GABPB1: variants seen among roughly 807,000 people sequenced by gnomAD.
GABPB1 encodes GA binding protein transcription factor subunit beta 1.
A neutral mutation model predicts 45.9 loss-of-function variants in GABPB1; 15 were observed. That is an observed-to-expected ratio of 0.33 (90% CI 0.22 to 0.50). The LOEUF (loss-of-function observed/expected upper bound fraction) is 0.50. Ranked by LOEUF, GABPB1 falls within the 20% of genes least tolerant of loss-of-function variation. The pLI is 0.98. For missense variants in GABPB1, 252 were observed against 457.5 expected (o/e 0.55, Z 4.10); for synonymous variants, 143 against 154.4 (o/e 0.93, Z 0.55).
intron 8 of GABPB1, chr15:50,282,327 G>A (rs1383507153): frequency 6.6e-6 from 3 of 454,832 alleles, no homozygotes; most frequent in Admixed American, 2.4e-5. Context: ...AGGAGGCTGA[G>A]GTGGGAGGAT....
chr15:50,330,764 C>A (rs2047922183), intron 1 of GABPB1, among the ~76,000 whole-genome samples: 1 of 152,196 alleles, frequency 6.6e-6, no homozygotes, highest in South Asian at 2.1e-4. Context: ...ATAGCATAAT[C>A]TCTATGTTTC....
chr15:50,339,347 T>C (rs2048263671), intron 1 of GABPB1, among the ~76,000 whole-genome samples: 1 of 151,164 alleles, frequency 6.6e-6, no homozygotes, highest in African/African-American at 2.4e-5. Context: ...AAATAACCAG[T>C]AATTAACCAG....
At chr15:50,335,496 G>A (rs2048086647) in intron 1 of GABPB1, among the ~76,000 whole-genome samples, 1 of 152,116 alleles carries the variant, frequency 6.6e-6, no homozygotes, top group African/African-American at 2.4e-5. Context: ...CCTGCTTTAG[G>A]CTTTCTTCCA....
intron 1 of GABPB1, among the ~76,000 whole-genome samples, chr15:50,330,747 G>T (rs1449181883): frequency 6.6e-6 from 1 of 152,110 alleles, no homozygotes; most frequent in African/African-American, 2.4e-5. Flanking sequence ...AATTTCCTCA[G>T]CAATATATAG....
At chr15:50,284,476 C>T (rs1457347191) in intron 8 of GABPB1, among the ~76,000 whole-genome samples, 1 of 152,186 alleles carries the variant, frequency 6.6e-6, no homozygotes, top group Non-Finnish European at 1.5e-5. Context: ...AGCTCCATCT[C>T]CTTGGCCCTA....
chr15:50,289,448 AAC>A (rs2046274169), intron 7 of GABPB1, 33 bp downstream of exon 7: 2 of 1,413,894 alleles, frequency 1.4e-6, no homozygotes, highest in Non-Finnish European at 1.9e-6. Context: ...AAAAAAAAAA[AAC>A]ATACAAACTT....
chr15:50,304,659 C>T (rs1158314422), intron 2 of GABPB1, among the ~76,000 whole-genome samples: 1 of 149,922 alleles, frequency 6.7e-6, no homozygotes, highest in Non-Finnish European at 1.5e-5. Context: ...TGCAGTGAGC[C>T]GAGATCGCGC....
At chr15:50,288,138 A>G (rs951466043) in intron 7 of GABPB1, among the ~76,000 whole-genome samples, 1 of 152,108 alleles carries the variant, frequency 6.6e-6, no homozygotes, top group African/African-American at 2.4e-5. Context: ...TGCAGCCTCA[A>G]ACTCCTGGGT....
chr15:50,304,802 T>C (rs556507298), intron 2 of GABPB1, among the ~76,000 whole-genome samples: 1 of 152,238 alleles, frequency 6.6e-6, no homozygotes, highest in Admixed American at 6.5e-5. Context: ...CACACAAAAC[T>C]TGCTAAGTTA....
chr15:50,303,694 C>A lies in GABPB1; in HGVS notation c.276+272G>T, dbSNP rs372886822. On this transcript the variant is annotated intron_variant, in intron 3 of 8. Transcript: ENST00000380877. The stretch of plus-strand genomic sequence containing the variant: ...TTCTGTCTCAAAAAAAAAAAAAAAA[C>A]AAAAAGAAAAAATGCTGTAGTCCCT... Among the ~76,000 whole-genome samples, 1,192 of 138,158 alleles carry A rather than the reference C, an allele frequency of 8.6e-3. 4 individuals are homozygous for A. Among genetic ancestry groups the A allele is most frequent in the South Asian group, 0.019 (82 of 4,406 alleles). 90.6% of individuals were successfully genotyped at this position (138,158 alleles called of 152,430 possible). A position where few individuals can be genotyped will look rare whatever the true frequency, so the allele number is the denominator to read the frequency against.
rs576944432 is a variant in GABPB1, at chr15:50,335,238, G to C, written c.-1+19747C>G. On this transcript the variant is annotated intron_variant, in intron 1 of 8. Transcript: ENST00000380877. ...GAAATTCCTTGATATTTGATTGGGAGGTAGGTGATGAAAAGCGGTTAGTTC... is the reference window on the plus strand; with the variant it reads ...GAAATTCCTTGATATTTGATTGGGACGTAGGTGATGAAAAGCGGTTAGTTC... 7.2e-5 allele frequency among the ~76,000 whole-genome samples: 11 copies of C among 152,266 alleles called. No homozygotes were observed. In the South Asian group the frequency reaches 2.3e-3, roughly 32 times the overall value.
intron 1 of GABPB1, among the ~76,000 whole-genome samples, chr15:50,331,798 T>C (rs1403153695): frequency 6.6e-6 from 1 of 152,198 alleles, no homozygotes; most frequent in Non-Finnish European, 1.5e-5. Context: ...TTACCTTTAA[T>C]TGCTATATAT....
intron 6 of GABPB1, among the ~76,000 whole-genome samples, chr15:50,291,236 T>C (rs897480049): frequency 4.6e-5 from 7 of 152,180 alleles, no homozygotes; most frequent in African/African-American, 1.7e-4. Context: ...TGTACACTTA[T>C]AATCTATAAA....
intron 1 of GABPB1, among the ~76,000 whole-genome samples, chr15:50,348,439 C>T (rs917503516): frequency 6.6e-5 from 10 of 151,924 alleles, no homozygotes; most frequent in African/African-American, 1.9e-4. Flanking sequence ...TTAGTAGGGA[C>T]GGCGTTTCAC....
chr15:50,301,174 T>C, intron 5 of GABPB1, 83 bp downstream of exon 5: 5 of 1,553,646 alleles, frequency 3.2e-6, no homozygotes, highest in Non-Finnish European at 4.4e-6. Flanking sequence ...GATGAATACC[T>C]ACTAAAGCAT....
At chr15:50,324,976 T>G (rs1595807899) in intron 1 of GABPB1, among the ~76,000 whole-genome samples, 2 of 152,292 alleles carry the variant, frequency 1.3e-5, no homozygotes, top group East Asian at 3.9e-4. Context: ...GGTTGTTTCT[T>G]GTCTCCACTT....
chr15:50,320,163 C>CT (rs1255222172), intron 1 of GABPB1, among the ~76,000 whole-genome samples: 2 of 152,156 alleles, frequency 1.3e-5, no homozygotes, highest in African/African-American at 2.4e-5. Flanking sequence ...AAGCAATCCT[C>CT]TTTTTTTCAT....
chr15:50,322,141 G>T (rs2047594258), intron 1 of GABPB1, among the ~76,000 whole-genome samples: 2 of 152,136 alleles, frequency 1.3e-5, no homozygotes, highest in African/African-American at 4.8e-5. Context: ...GCCAGAACTT[G>T]TCTAATAACT....
intron 1 of GABPB1, among the ~76,000 whole-genome samples, chr15:50,320,624 C>T (rs2047533455): frequency 6.6e-6 from 1 of 152,140 alleles, no homozygotes; most frequent in Non-Finnish European, 1.5e-5. Flanking sequence ...CCTTACATGG[C>T]AAAAGGAACT....
Sources: gnomAD v4.1 joint callset for allele counts (sites outside exome capture counted in the v4.1 genomes callset) on GRCh38, gnomAD v4.1.1 for gene constraint, MANE v1.5 for transcripts, NCBI Gene and HGNC (gene_info 2026-07-23, HGNC 2026-07-21) for gene names.